Variants in PTPN3 observed in about 807,000 individuals in gnomAD.
PTPN3 encodes tyrosine-protein phosphatase non-receptor type 3.
Under a neutral mutation model 132.7 loss-of-function variants are expected in PTPN3, and 96 were observed. That is an observed-to-expected ratio of 0.72 (90% CI 0.61 to 0.86). The LOEUF (loss-of-function observed/expected upper bound fraction) is 0.86, where lower values mean the gene tolerates loss of function less well. Ranked by LOEUF, PTPN3 falls within the 40% of genes least tolerant of loss-of-function variation. The pLI is 0.00. For synonymous variants in PTPN3, 398 were observed against 429.0 expected, an observed-to-expected ratio of 0.93 and a Z score of 0.89; for missense variants, 1,125 against 1,159.6, an observed-to-expected ratio of 0.97 and a Z score of 0.43.
intron 7 of PTPN3, among the ~76,000 whole-genome samples, chr9:109,441,660 CT>C (rs1157163913): frequency 1.1e-4 from 16 of 152,296 alleles, no homozygotes; most frequent in African/African-American, 3.8e-4. Context: ...AAAAAATATA[CT>C]TTATTCTTTG....
At chr9:109,483,332 C>T (rs1253768414) in intron 1 of PTPN3, among the ~76,000 whole-genome samples, 3 of 152,242 alleles carry the variant, frequency 2.0e-5, no homozygotes, top group African/African-American at 4.8e-5. Flanking sequence ...GCTGGGCTCT[C>T]CTACTCCCTT....
At chr9:109,491,340 G>A (rs1448919986) in intron 1 of PTPN3, among the ~76,000 whole-genome samples, 3 of 152,076 alleles carry the variant, frequency 2.0e-5, no homozygotes, top group Non-Finnish European at 4.4e-5. Flanking sequence ...GGGGAAAGGA[G>A]GCATTGATAA....
the PTPN3 span, among the ~76,000 whole-genome samples, chr9:109,529,541 T>C: frequency 6.6e-6 from 1 of 152,252 alleles, no homozygotes; most frequent in East Asian, 1.9e-4. Flanking sequence ...TCTCCTTCAG[T>C]CCATTCCTAT....
At chr9:109,534,632 C>CAAAAA in the PTPN3 span, among the ~76,000 whole-genome samples, 54 of 108,736 alleles carry the variant, frequency 5.0e-4, 1 homozygote, top group Middle Eastern at 5.2e-3. Flanking sequence ...CAAAAAAATA[C>CAAAAA]AAAAAAAAAA....
At chr9:109,524,166 C>T in the PTPN3 span, among the ~76,000 whole-genome samples, 1 of 152,040 alleles carries the variant, frequency 6.6e-6, no homozygotes, top group Non-Finnish European at 1.5e-5. Context: ...ATCACTTGAG[C>T]CCAGGAGGTC....
At chr9:109,455,558 C>T (rs1279061717) in intron 4 of PTPN3, among the ~76,000 whole-genome samples, 3 of 152,186 alleles carry the variant, frequency 2.0e-5, no homozygotes, top group African/African-American at 7.2e-5. Context: ...GGGGGTGTGC[C>T]CCTGAGTACA....
At chr9:109,506,516 TTTCC>T in the PTPN3 span, among the ~76,000 whole-genome samples, 1 of 149,072 alleles carries the variant, frequency 6.7e-6, no homozygotes, top group African/African-American at 2.5e-5. Context: ...TCCTTCCTTC[TTTCC>T]TTCCTTCCTC....
chr9:109,510,568 AAAAAAAAAATATAT>A, the PTPN3 span, among the ~76,000 whole-genome samples: 7 of 36,134 alleles, frequency 1.9e-4, no homozygotes, highest in Admixed American at 4.6e-4. Context: ...TAAAAAAAAA[AAAAAAAAAATATAT>A]ATATATATAT....
intron 14 of PTPN3, chr9:109,417,470 G>T: frequency 1.6e-6 from 1 of 611,696 alleles, no homozygotes; most frequent in Non-Finnish European, 2.0e-6. Flanking sequence ...CAAATCTGCT[G>T]TATAAAACAT....
At chr9:109,528,195 AG>A in the PTPN3 span, among the ~76,000 whole-genome samples, 4 of 152,350 alleles carry the variant, frequency 2.6e-5, no homozygotes, top group South Asian at 8.3e-4. Flanking sequence ...ACTCAAGTTT[AG>A]CAAAAGAAAT....
the PTPN3 span, chr9:109,533,821 C>G: frequency 6.8e-6 from 6 of 887,882 alleles, no homozygotes; most frequent in South Asian, 8.9e-5. Context: ...ATCCCTCGTT[C>G]TTTCCCCCAC....
intron 25 of PTPN3, among the ~76,000 whole-genome samples, chr9:109,380,002 TGGA>T (rs897911348): frequency 2.0e-5 from 3 of 152,044 alleles, no homozygotes; most frequent in South Asian, 2.1e-4. Flanking sequence ...CCTAGGCATG[TGGA>T]GGAGGAGGGG....
chr9:109,521,544 G>A, the PTPN3 span, among the ~76,000 whole-genome samples: 1 of 152,126 alleles, frequency 6.6e-6, no homozygotes, highest in East Asian at 1.9e-4. Context: ...AACTTCACCT[G>A]CATCACACCT....
chr9:109,492,678 G>A (rs535351928), intron 1 of PTPN3, among the ~76,000 whole-genome samples: 1 of 152,304 alleles, frequency 6.6e-6, no homozygotes, highest in Non-Finnish European at 1.5e-5. Flanking sequence ...TCAGAGTTGA[G>A]AGGCCAGGGG....
upstream of PTPN3, among the ~76,000 whole-genome samples, chr9:109,499,863 G>A (rs1847834944): frequency 6.6e-6 from 1 of 152,176 alleles, no homozygotes; most frequent in South Asian, 2.1e-4. Context: ...GCCCGGCCCG[G>A]CCCGGCCTCG....
intron 8 of PTPN3, 149 bp downstream of exon 8, chr9:109,437,965 A>T: frequency 2.1e-6 from 2 of 935,608 alleles, no homozygotes; most frequent in Non-Finnish European, 3.0e-6. Context: ...TATATCTGCC[A>T]CCATACCAGC....
At chr9:109,429,682 G>A (rs778991425) in intron 10 of PTPN3, among the ~76,000 whole-genome samples, 51 of 152,158 alleles carry the variant, frequency 3.4e-4, no homozygotes, top group Admixed American at 6.5e-4. Context: ...CGAGTTTTGC[G>A]GAGCCAACTG....
chr9:109,525,191 A>G, the PTPN3 span, among the ~76,000 whole-genome samples: 2 of 152,104 alleles, frequency 1.3e-5, no homozygotes, highest in Admixed American at 1.3e-4. Context: ...AGCTGGGACT[A>G]CAGGCATGTG....
At chr9:109,525,634 T>C in the PTPN3 span, among the ~76,000 whole-genome samples, 1 of 152,238 alleles carries the variant, frequency 6.6e-6, no homozygotes. Flanking sequence ...CCACTCTCCC[T>C]CTTCAGGAGA....
Sources: allele counts gnomAD v4.1 joint callset (sites outside exome capture counted in the v4.1 genomes callset), GRCh38; gene constraint gnomAD v4.1.1; transcripts MANE v1.5; gene names NCBI Gene and HGNC (gene_info 2026-07-23, HGNC 2026-07-21).